Variants in DNAJC18 observed in about 807,000 individuals in gnomAD.
DNAJC18 encodes the protein DnaJ heat shock protein family (Hsp40) member C18.
DNAJC18 carries 40 observed loss-of-function variants against 48.6 expected under a neutral mutation model. That is an observed-to-expected ratio of 0.82 (90% CI 0.64 to 1.07). The LOEUF is 1.07. Ranked by LOEUF, DNAJC18 falls within the 50% of genes least tolerant of loss-of-function variation. The probability of loss-of-function intolerance (pLI) is 0.00; values close to 1 mark genes in which losing one functional copy is unlikely to be tolerated. For missense variants in DNAJC18, 340 were observed against 427.7 expected, an observed-to-expected ratio of 0.79 and a Z score of 1.81; for synonymous variants, 135 against 152.2, an observed-to-expected ratio of 0.89 and a Z score of 0.83.
At chr5:139,427,432 G>A (rs1759261113) in intron 3 of DNAJC18, among the ~76,000 whole-genome samples, 1 of 152,154 alleles carries the variant, frequency 6.6e-6, no homozygotes, top group South Asian at 2.1e-4. Flanking sequence ...AGTCAACACT[G>A]TCAGAAACAC....
chr5:139,416,686 G>C (rs1327590304), intron 7 of DNAJC18, among the ~76,000 whole-genome samples: 5 of 152,216 alleles, frequency 3.3e-5, no homozygotes, highest in Non-Finnish European at 7.3e-5. Context: ...TCCTGCTCAA[G>C]GGTGTGGAAA....
At chr5:139,419,972 G>C (rs1269757662) in intron 7 of DNAJC18, 81 bp downstream of exon 7, 1 of 1,354,392 alleles carries the variant, frequency 7.4e-7, no homozygotes, top group African/African-American at 1.5e-5. Context: ...CAAACAAGAA[G>C]AGAGGAGGGA....
At chr5:139,421,377 A>T (rs1199035554) in intron 6 of DNAJC18, among the ~76,000 whole-genome samples, 1 of 152,118 alleles carries the variant, frequency 6.6e-6, no homozygotes, top group Non-Finnish European at 1.5e-5. Flanking sequence ...TGAACCTGGG[A>T]GAAGGGGATT....
chr5:139,436,515 CTTTTTTTTTTT>C (rs57926576), intron 2 of DNAJC18, among the ~76,000 whole-genome samples: 2 of 67,636 alleles, frequency 3.0e-5, no homozygotes, highest in Admixed American at 2.0e-4. Flanking sequence ...ATCCCTCTTT[CTTTTTTTTTTT>C]TTTTTTTTTT....
chr5:139,423,581 G>C (rs867606076), intron 5 of DNAJC18, among the ~76,000 whole-genome samples: 1 of 151,808 alleles, frequency 6.6e-6, no homozygotes, highest in East Asian at 1.9e-4. Flanking sequence ...TAGAGACAAG[G>C]TCTTGCCATG....
Position 139,412,834 on chromosome 5 carries a change from G to T in DNAJC18, c.*1314C>A. 2.5e-6 allele frequency: 1 copy of T among 398,694 alleles called. No homozygotes were observed. Among genetic ancestry groups the T allele is most frequent in the South Asian group, 1.3e-4 (1 of 7,862 alleles). 24.7% of individuals were successfully genotyped at this position (398,694 alleles called of 1,614,324 possible). The stretch of plus-strand genomic sequence containing the variant: ...AGCAGCAGGGATGTTGTCCTGAACA[G>T]ATGCAAGATTGCCACAGAAAAGATG... On this transcript the variant is annotated 3_prime_UTR_variant, in exon 8 of 8. Coordinates refer to ENST00000302060, the MANE Select transcript of DNAJC18 (RefSeq NM_152686.4).
Position 139,411,188 on chromosome 5 carries a change from C to T in DNAJC18, c.*2960G>A, listed in dbSNP as rs1207048472. The T allele has an allele frequency of 6.6e-6, 1 of 152,336 alleles. No individual in the cohort carries two copies. Among genetic ancestry groups the T allele is most frequent in the Non-Finnish European group, 1.5e-5 (1 of 68,042 alleles). 9.4% of individuals were successfully genotyped at this position (152,336 alleles called of 1,614,324 possible). A position where few individuals can be genotyped will look rare whatever the true frequency, so the allele number is the denominator to read the frequency against. On this transcript the variant is annotated 3_prime_UTR_variant, in exon 8 of 8. Transcript: ENST00000302060. ...TCAAGGAAGCTTACACATTTCCCGG[C>T]CTGAGCAGATGAACTCTAGGGTTGC...
chr5:139,422,253 A>G (rs1279539712), intron 6 of DNAJC18, among the ~76,000 whole-genome samples: 28 of 152,218 alleles, frequency 1.8e-4, no homozygotes. Flanking sequence ...ATCTATACGC[A>G]AAAAGCATTA....
chr5:139,420,046 A>G lies in DNAJC18; in HGVS notation c.952+7T>C, dbSNP rs369482138. 60 of 1,567,834 alleles carry G rather than the reference A, an allele frequency of 3.8e-5. No individual in the cohort carries two copies. In the Middle Eastern group the frequency reaches 8.4e-4, roughly 22 times the overall value. On this transcript the variant is annotated splice_region_variant and intron_variant, in intron 7 of 7. Transcript: ENST00000302060. The stretch of plus-strand genomic sequence containing the variant: ...CACCAGCTAATGCCCCTTTTACAGT[A>G]TCTTACTTTGTTGTTTCTCCTTCCA...
chr5:139,421,599 A>C (rs912824663), intron 6 of DNAJC18, among the ~76,000 whole-genome samples: 34 of 152,266 alleles, frequency 2.2e-4, no homozygotes, highest in African/African-American at 7.7e-4. Flanking sequence ...TGAGGTTAGG[A>C]GTTTGAGACC....
chr5:139,425,701 C>T (rs776163621), intron 4 of DNAJC18, among the ~76,000 whole-genome samples: 1 of 152,282 alleles, frequency 6.6e-6, no homozygotes, highest in African/African-American at 2.4e-5. Flanking sequence ...GGCATGTTCA[C>T]GTCTGCTTCC....
rs566884337 is a variant in DNAJC18 at position 139,423,492 on chromosome 5, T to C, written c.670-675A>G. ...GCAGCCTTGACCTCCTGGGTTCTGA[T>C]GATTCTCTCGCCTCAGCCTCCTGAG... On this transcript the variant is annotated intron_variant, in intron 5 of 7. Transcript: ENST00000302060. Among the ~76,000 whole-genome samples the C allele has an allele frequency of 1.4e-4, 21 of 151,798 alleles. No homozygotes were observed. In the South Asian group the frequency reaches 3.3e-3, roughly 24 times the overall value.
At chr5:139,421,662 G>A (rs1233504615) in intron 6 of DNAJC18, among the ~76,000 whole-genome samples, 1 of 151,872 alleles carries the variant, frequency 6.6e-6, no homozygotes, top group Non-Finnish European at 1.5e-5. Context: ...AAAATTATCC[G>A]GGTGTGGTGG....
At chr5:139,432,613 T>C (rs1759348016) in intron 2 of DNAJC18, among the ~76,000 whole-genome samples, 2 of 152,174 alleles carry the variant, frequency 1.3e-5, no homozygotes, top group Admixed American at 6.5e-5. Flanking sequence ...ACTACAGGCA[T>C]GCACCATAAC....
At position 139,428,566 on chromosome 5, in the gene DNAJC18, A is replaced by G. The variant is rs1165591716; in HGVS notation, c.345T>C (p.Cys115=). Residue 115 remains cysteine (C), a synonymous_variant, in exon 3 of 8, where the codon TGT becomes TGC. Coordinates refer to ENST00000302060, the MANE Select transcript of DNAJC18 (RefSeq NM_152686.4). ...TGAAAGCATCTGTTGCTCCAGGAGC[A>G]CAGTTCTTGTCAGGGTGAAATTTCA... The part of the protein sequence containing the change: ...LALKFHPDKN[C]APGATDAFKA... The G allele has an allele frequency of 6.2e-7, 1 of 1,613,956 alleles. No individual in the cohort carries two copies. Among genetic ancestry groups the G allele is most frequent in the Admixed American group, 1.7e-5 (1 of 59,982 alleles).
At position 139,423,997 on chromosome 5, in the gene DNAJC18, T is replaced by A. The variant is rs184426430; in HGVS notation, c.669+1008A>T. Among the ~76,000 whole-genome samples the A allele has an allele frequency of 7.7e-4, 117 of 152,268 alleles. No homozygotes were observed. The Middle Eastern group carries it at 0.01, about 13-fold the overall frequency. On this transcript the variant is annotated intron_variant, in intron 5 of 7. Transcript: ENST00000302060. ...CAGTAGTGGGGCTCTAGGAGCCAGG[T>A]TAGCATCATGCTTGGCCACAGCTGA...
In DNAJC18 at chr5:139,428,671, G is replaced by A. The variant is rs1421273350; in HGVS notation, c.240C>T (p.Cys80=). The A allele has an allele frequency of 6.2e-6, 10 of 1,610,270 alleles. No homozygotes were observed. The part of the protein sequence containing the change: ...QLLGVQRIKK[C]RNYYEILGVS... ...CTCCCAGAATTTCATAGTAATTTCT[G>A]CATTTCTTGATCCTAAAAAAAATCA... Residue 80 remains cysteine (C), a synonymous_variant, in exon 3 of 8, where the codon TGC becomes TGT. Transcript: ENST00000302060.
intron 2 of DNAJC18, among the ~76,000 whole-genome samples, chr5:139,435,086 C>T (rs903794706): frequency 5.9e-5 from 9 of 151,674 alleles, no homozygotes; most frequent in African/African-American, 1.2e-4. Flanking sequence ...TGGGGCTGGG[C>T]GCAGTGGCTC....
chr5:139,422,671 A>C (rs1380728048), intron 6 of DNAJC18, 37 bp downstream of exon 6: 6 of 1,468,868 alleles, frequency 4.1e-6, no homozygotes, highest in Non-Finnish European at 5.7e-6. Context: ...TCACCCCCAG[A>C]CTGTTACTGA....
Sources: allele counts gnomAD v4.1 joint callset (sites outside exome capture counted in the v4.1 genomes callset), GRCh38; gene constraint gnomAD v4.1.1; transcripts MANE v1.5; gene names NCBI Gene and HGNC (gene_info 2026-07-23, HGNC 2026-07-21).